The following CADM2 variants were observed in gnomAD, a reference collection of about 807,000 sequenced individuals.
The protein encoded by CADM2 is immunoglobulin superfamily member 4D.
In CADM2, 12 loss-of-function variants were observed where a neutral mutation model predicts 49.8. The ratio of observed to expected loss-of-function variants is 0.24; its 90% CI spans 0.15 to 0.39. The LOEUF is 0.39. Ranked by LOEUF, CADM2 falls within the 10% of genes least tolerant of loss-of-function variation. CADM2 has a pLI of 1.00. For synonymous variants in CADM2, 214 were observed against 175.4 expected (o/e 1.22, Z -1.74); for missense variants, 378 against 492.3 (o/e 0.77, Z 2.20).
At chr3:85,003,543 T>C (rs2033576815) in intron 1 of CADM2, among the ~76,000 whole-genome samples, 1 of 152,132 alleles carries the variant, frequency 6.6e-6, no homozygotes, top group Admixed American at 6.6e-5. Flanking sequence ...TGTTGCAATC[T>C]GTTGGCAGCA....
chr3:85,060,558 T>G (rs912819356), intron 1 of CADM2, among the ~76,000 whole-genome samples: 2 of 152,242 alleles, frequency 1.3e-5, no homozygotes, highest in African/African-American at 2.4e-5. Context: ...ATATTTATTT[T>G]AAGCTTTAAG....
At chr3:85,809,684 CTT>C in intron 3 of CADM2, among the ~76,000 whole-genome samples, 2 of 123,856 alleles carry the variant, frequency 1.6e-5, no homozygotes, top group Non-Finnish European at 1.7e-5. Flanking sequence ...TCCTTCCTTC[CTT>C]CCTTCCTTCC....
intron 8 of CADM2, among the ~76,000 whole-genome samples, chr3:86,060,020 G>T (rs543649381): frequency 6.6e-6 from 1 of 152,140 alleles, no homozygotes; most frequent in Non-Finnish European, 1.5e-5. Flanking sequence ...CTTTGTCAAT[G>T]AAATGAAAGA....
At chr3:85,297,171 T>C (rs908557419) in intron 1 of CADM2, among the ~76,000 whole-genome samples, 7 of 150,074 alleles carry the variant, frequency 4.7e-5, no homozygotes, top group Non-Finnish European at 1.0e-4. Context: ...TTTATTGATA[T>C]AGCTAAGCGT....
intron 1 of CADM2, among the ~76,000 whole-genome samples, chr3:85,009,126 G>A (rs1255072269): frequency 2.0e-5 from 3 of 152,108 alleles, no homozygotes; most frequent in Admixed American, 2.0e-4. Flanking sequence ...GGATCCCTGG[G>A]GAAGTTGAGA....
chr3:85,493,987 A>G (rs1271262294), intron 1 of CADM2, among the ~76,000 whole-genome samples: 1 of 152,198 alleles, frequency 6.6e-6, no homozygotes, highest in East Asian at 1.9e-4. Flanking sequence ...AGCAAGACTG[A>G]AATGTTTATG....
intron 1 of CADM2, among the ~76,000 whole-genome samples, chr3:85,395,119 T>C (rs889568075): frequency 6.8e-6 from 1 of 147,338 alleles, no homozygotes; most frequent in African/African-American, 2.5e-5. Context: ...ACCCCATCTC[T>C]AAAAAAAAAA....
intron 1 of CADM2, among the ~76,000 whole-genome samples, chr3:85,170,160 G>A (rs1353314666): frequency 6.6e-6 from 1 of 151,958 alleles, no homozygotes; most frequent in Admixed American, 6.6e-5. Context: ...TATTTAATTG[G>A]CATCTATTCG....
chr3:85,689,639 G>A (rs1268278651), intron 1 of CADM2, among the ~76,000 whole-genome samples: 1 of 152,132 alleles, frequency 6.6e-6, no homozygotes, highest in Non-Finnish European at 1.5e-5. Context: ...AAATAAGAAG[G>A]AGTTGCTGGG....
chr3:85,672,724 G>T (rs972705554), intron 1 of CADM2, among the ~76,000 whole-genome samples: 1 of 151,974 alleles, frequency 6.6e-6, no homozygotes, highest in Non-Finnish European at 1.5e-5. Flanking sequence ...TATAACACAA[G>T]CATAAAAATA....
rs536006875 is a variant in CADM2 at position 85,575,420 on chromosome 3, G to T, written c.62-151102G>T. 3.3e-5 allele frequency among the ~76,000 whole-genome samples: 5 copies of T among 152,170 alleles called. No individual in the cohort carries two copies. In the East Asian group the frequency reaches 9.7e-4, roughly 30 times the overall value. On this transcript the variant is annotated intron_variant, in intron 1 of 9. Coordinates refer to ENST00000383699, the MANE Select transcript of CADM2 (RefSeq NM_001167675.2). ...CAAAAGATTAGCCTTGCGTGGTGGC[G>T]GGCATCTGTACTCCCAGCTACACGG...
At chr3:85,111,380 C>A (rs2038451810) in intron 1 of CADM2, among the ~76,000 whole-genome samples, 1 of 151,660 alleles carries the variant, frequency 6.6e-6, no homozygotes, top group Non-Finnish European at 1.5e-5. Context: ...CCTGTATACC[C>A]CAGGTTTTGT....
chr3:85,630,682 T>C (rs1235383923), intron 1 of CADM2, among the ~76,000 whole-genome samples: 1 of 152,090 alleles, frequency 6.6e-6, no homozygotes, highest in Non-Finnish European at 1.5e-5. Flanking sequence ...GTAAAATTTG[T>C]ATCAAGAATT....
At chr3:85,957,732 G>A (rs904861693) in intron 7 of CADM2, among the ~76,000 whole-genome samples, 13 of 151,768 alleles carry the variant, frequency 8.6e-5, no homozygotes, top group Admixed American at 4.0e-4. Flanking sequence ...CATGATTTCC[G>A]TGACTTCCTT....
At chr3:85,076,907 G>A (rs1575817186) in intron 1 of CADM2, among the ~76,000 whole-genome samples, 1 of 152,142 alleles carries the variant, frequency 6.6e-6, no homozygotes, top group Non-Finnish European at 1.5e-5. Flanking sequence ...AGGAGGTGGA[G>A]GTTGCAGTGA....
chr3:85,506,641 C>G (rs760322770), intron 1 of CADM2, among the ~76,000 whole-genome samples: 11 of 151,966 alleles, frequency 7.2e-5, no homozygotes, highest in Admixed American at 1.3e-4. Flanking sequence ...TCAAGTAGAT[C>G]CTCCTGCGTT....
At chr3:85,586,776 A>G (rs1317755435) in intron 1 of CADM2, among the ~76,000 whole-genome samples, 1 of 152,116 alleles carries the variant, frequency 6.6e-6, no homozygotes, top group South Asian at 2.1e-4. Flanking sequence ...AATGTCAAGT[A>G]TCATCTCTGA....
At chr3:85,275,611 T>G (rs574637819) in intron 1 of CADM2, among the ~76,000 whole-genome samples, 2 of 151,396 alleles carry the variant, frequency 1.3e-5, no homozygotes, top group East Asian at 3.9e-4. Context: ...TTCAGTTACA[T>G]GCATTTTTTC....
chr3:85,815,514 A>G (rs2073153956), intron 3 of CADM2, among the ~76,000 whole-genome samples: 1 of 152,220 alleles, frequency 6.6e-6, no homozygotes, highest in Admixed American at 6.5e-5. Flanking sequence ...ATCTCAATAG[A>G]TGCAAAAAAG....
Sources: allele counts gnomAD v4.1 joint callset (sites outside exome capture counted in the v4.1 genomes callset), GRCh38; gene constraint gnomAD v4.1.1; transcripts MANE v1.5; gene names NCBI Gene and HGNC (gene_info 2026-07-23, HGNC 2026-07-21).